The following PDGFRA variants were observed in gnomAD, a reference collection of about 807,000 sequenced individuals.
The protein encoded by PDGFRA is platelet-derived growth factor receptor alpha.
Under a neutral mutation model 121.5 loss-of-function variants are expected in PDGFRA, and 25 were observed. The observed-to-expected ratio is 0.21, with a 90% CI of 0.15 to 0.29. PDGFRA has a LOEUF of 0.29. Ranked by LOEUF, PDGFRA falls within the 10% of genes least tolerant of loss-of-function variation. The pLI is 1.00. For missense variants in PDGFRA, 1,008 were observed against 1,345.1 expected (o/e 0.75, Z 3.92); for synonymous variants, 463 against 494.8 (o/e 0.94, Z 0.85).
chr4:54,239,502 G>A (rs535956596), intron 1 of PDGFRA, among the ~76,000 whole-genome samples: 12 of 152,306 alleles, frequency 7.9e-5, no homozygotes, highest in Non-Finnish European at 1.6e-4. Context: ...CTTTTCTGGT[G>A]ACCAATGAAG....
rs1237968090 is a variant in PDGFRA, at chr4:54,245,989, G to T, written c.-12-12768G>T. ...AGAAGGCCATTACATAATGGTAAAG[G>T]GATCAATTCAACAGGAAGAGCTAAC... On this transcript the variant is annotated intron_variant, in intron 1 of 22. Coordinates refer to ENST00000257290, the MANE Select transcript of PDGFRA (RefSeq NM_006206.6). Among the ~76,000 whole-genome samples, 20 of 152,034 alleles carry T rather than the reference G, an allele frequency of 1.3e-4. 1 individual carries two copies. Among genetic ancestry groups the T allele is most frequent in the Admixed American group, 1.3e-3 (20 of 15,254 alleles).
At chr4:54,246,876 A>T (rs986818533) in intron 1 of PDGFRA, among the ~76,000 whole-genome samples, 2 of 150,814 alleles carry the variant, frequency 1.3e-5, no homozygotes, top group African/African-American at 4.9e-5. Context: ...AAAAAAAATG[A>T]TAAAGGGGAT....
At chr4:54,285,089 T>C (rs947968907) in intron 16 of PDGFRA, among the ~76,000 whole-genome samples, 8 of 151,020 alleles carry the variant, frequency 5.3e-5, no homozygotes, top group African/African-American at 2.0e-4. Context: ...AGAGATAGGG[T>C]TTTACCATGT....
At chr4:54,256,381 G>A (rs1359401548) in intron 1 of PDGFRA, among the ~76,000 whole-genome samples, 12 of 151,802 alleles carry the variant, frequency 7.9e-5, no homozygotes, top group Admixed American at 3.3e-4. Flanking sequence ...AATTAGAGGC[G>A]CACACCACCA....
At chr4:54,248,912 T>G (rs570931803) in intron 1 of PDGFRA, among the ~76,000 whole-genome samples, 154 of 152,172 alleles carry the variant, frequency 1.0e-3, no homozygotes, top group Non-Finnish European at 1.8e-3. Context: ...GCAAAGGACA[T>G]GAACAGACAC....
Position 54,286,009 on chromosome 4 carries a change from T to C in PDGFRA, c.2562+46T>C, listed in dbSNP as rs1260934244. The stretch of plus-strand genomic sequence containing the variant: ...CTGGTCAGGCTCATCCTCCTTCACT[T>C]TAATCTCTAAAGTCAGGTGTTGCTT... On this transcript the variant is annotated intron_variant, in intron 18 of 22. Coordinates refer to ENST00000257290, the MANE Select transcript of PDGFRA (RefSeq NM_006206.6). The C allele has an allele frequency of 8.1e-6, 13 of 1,599,256 alleles. No homozygotes were observed. The Admixed American group carries it at 2.2e-4, about 27-fold the overall frequency.
chr4:54,270,249 T>G (rs1469366736), intron 7 of PDGFRA, among the ~76,000 whole-genome samples: 1 of 152,224 alleles, frequency 6.6e-6, no homozygotes, highest in Non-Finnish European at 1.5e-5. Context: ...CTGAACCACC[T>G]AAATGATGGA....
At chr4:54,229,561 T>C (rs78336634) in intron 1 of PDGFRA, 146 bp downstream of exon 1, 4 of 274,480 alleles carry the variant, frequency 1.5e-5, no homozygotes, top group Non-Finnish European at 2.7e-5. Context: ...CAGAGAGTAA[T>C]TTTTTTTTTT....
Position 54,264,936 on chromosome 4 carries a change from C to A in PDGFRA, c.646C>A (p.Leu216Ile), listed in dbSNP as rs766847405. Residue 216 changes from leucine (L) to isoleucine (I), a missense_variant, in exon 5 of 23, where the codon CTA (leucine) becomes ATA (isoleucine). Coordinates refer to ENST00000257290, the MANE Select transcript of PDGFRA (RefSeq NM_006206.6). ...YALKATSELD[L>I]EMEALKTVYK... ...TTTTATAGCAACATCAGAGCTGGATCTAGAAATGGAAGCTCTTAAAACCGT... is the reference window on the plus strand; with the variant it reads ...TTTTATAGCAACATCAGAGCTGGATATAGAAATGGAAGCTCTTAAAACCGT... 1 of 1,612,274 alleles carries A rather than the reference C, an allele frequency of 6.2e-7. No homozygotes were observed.
At chr4:54,278,772 G>A (rs1281923935) in intron 15 of PDGFRA, 2 of 623,984 alleles carry the variant, frequency 3.2e-6, no homozygotes, top group African/African-American at 1.8e-5. Context: ...GACTCTGGGA[G>A]CTCTTCTGCT....
In PDGFRA at chr4:54,256,729, C is replaced by T. The variant is rs534061390; in HGVS notation, c.-12-2028C>T. Among the ~76,000 whole-genome samples the T allele has an allele frequency of 1.3e-4, 19 of 150,230 alleles. 1 individual carries two copies. Among genetic ancestry groups the T allele is most frequent in the South Asian group, 4.4e-4 (2 of 4,502 alleles). On this transcript the variant is annotated intron_variant, in intron 1 of 22. Coordinates refer to ENST00000257290, the MANE Select transcript of PDGFRA (RefSeq NM_006206.6). ...TACGGGTGATAAAGACCCCAGGATG[C>T]GGGCCGGGTGTGGTGGTTTATGCCT...
Position 54,267,273 on chromosome 4 carries a change from T to A in PDGFRA, c.760-16T>A. ...CGAGCTTTTTAAAAGTCGGTTTTCT[T>A]CCCCTTTTGCTGTAGAAAGGCAAAG... On this transcript the variant is annotated splice_polypyrimidine_tract_variant and intron_variant, in intron 5 of 22. Coordinates refer to ENST00000257290, the MANE Select transcript of PDGFRA (RefSeq NM_006206.6). The A allele has an allele frequency of 6.2e-7, 1 of 1,613,896 alleles. No individual in the cohort carries two copies. Among genetic ancestry groups the A allele is most frequent in the South Asian group, 1.1e-5 (1 of 91,078 alleles).
chr4:54,280,489 G>T lies in PDGFRA; in HGVS notation c.2323+7G>T, dbSNP rs763780833. 2 of 1,607,374 alleles carry T rather than the reference G, an allele frequency of 1.2e-6. No individual in the cohort carries two copies. The highest frequency in any genetic ancestry group is 1.7e-6 in the Non-Finnish European group (2 of 1,174,354). ...AAGAAGAAATCTATGTTAGGTAAAA[G>T]TGTCTATACTCACTCTGGGTGTTGG... On this transcript the variant is annotated splice_region_variant and intron_variant, in intron 16 of 22. Coordinates refer to ENST00000257290, the MANE Select transcript of PDGFRA (RefSeq NM_006206.6).
chr4:54,249,153 AC>A (rs1241419425), intron 1 of PDGFRA, among the ~76,000 whole-genome samples: 1 of 152,054 alleles, frequency 6.6e-6, no homozygotes, highest in Non-Finnish European at 1.5e-5. Flanking sequence ...AACTAGTTCA[AC>A]CCTTGTGGGA....
In PDGFRA at chr4:54,295,281, T is replaced by A. The variant is rs762091057; in HGVS notation, c.*9T>A. 1 of 1,613,854 alleles carries A rather than the reference T, an allele frequency of 6.2e-7. No homozygotes were observed. The highest frequency in any genetic ancestry group is 1.3e-5 in the African/African-American group (1 of 74,922). ...AAGACAGCTTCCTGTAACTGGCGGA[T>A]TCGAGGGGTTCCTTCCACTTCTGGG... On this transcript the variant is annotated 3_prime_UTR_variant, in exon 23 of 23. Coordinates refer to ENST00000257290, the MANE Select transcript of PDGFRA (RefSeq NM_006206.6).
chr4:54,248,247 C>T (rs1431576172), intron 1 of PDGFRA, among the ~76,000 whole-genome samples: 14 of 152,228 alleles, frequency 9.2e-5, no homozygotes, highest in East Asian at 1.9e-4. Flanking sequence ...AAAAAGAGCC[C>T]GCATCGCCAA....
chr4:54,276,010 T>C (rs1291334942), intron 12 of PDGFRA, among the ~76,000 whole-genome samples: 1 of 152,188 alleles, frequency 6.6e-6, no homozygotes, highest in African/African-American at 2.4e-5. Flanking sequence ...TTAGAAAGTA[T>C]GGTTTAGGGG....
Position 54,270,637 on chromosome 4 carries a change from C to G in PDGFRA, c.1126C>G (p.Arg376Gly), listed in dbSNP as rs1577719401. The G allele has an allele frequency of 6.3e-7, 1 of 1,589,006 alleles. No individual in the cohort carries two copies. The highest frequency in any genetic ancestry group is 8.6e-7 in the Non-Finnish European group (1 of 1,157,656). Reference sequence around the variant, plus strand: ...ACAAAATCCTTTTTTTAAAAGGTATCGAAGCAAATTAAAGCTGATCCGTGC... The same window carrying G: ...ACAAAATCCTTTTTTTAAAAGGTATGGAAGCAAATTAAAGCTGATCCGTGC... ...DVEKIQEIRYRSKLKLIRAKE... is the reference protein window; with the variant it reads ...DVEKIQEIRYGSKLKLIRAKE... The change falls in exon 8 of 23, where the codon CGA becomes GGA. Residue 376 changes from arginine (R) to glycine (G), a missense_variant. Physicochemically the swap from Arg to Gly is moderately radical, Grantham distance 125. Transcript: ENST00000257290.
chr4:54,236,906 T>G (rs552783122), intron 1 of PDGFRA, among the ~76,000 whole-genome samples: 2 of 152,224 alleles, frequency 1.3e-5, no homozygotes, highest in African/African-American at 4.8e-5. Context: ...GTTTGGAATC[T>G]TAAGCAACAA....
Sources: allele counts gnomAD v4.1 joint callset (sites outside exome capture counted in the v4.1 genomes callset), GRCh38; gene constraint gnomAD v4.1.1; transcripts MANE v1.5; gene names NCBI Gene and HGNC (gene_info 2026-07-23, HGNC 2026-07-21).